GPAT2: variants seen among roughly 807,000 people sequenced by gnomAD.
GPAT2 encodes 1-acylglycerol-3-phosphate O-acyltransferase GPAT2.
GPAT2 carries 51 observed loss-of-function variants against 71.0 expected under a neutral mutation model. That is an observed-to-expected ratio of 0.72 (90% CI 0.57 to 0.91). The LOEUF is 0.91. Among genes scored for constraint, GPAT2 ranks in the 40% least tolerant of loss-of-function variants. GPAT2 has a pLI of 0.00. For missense variants in GPAT2, 511 were observed against 666.0 expected, an observed-to-expected ratio of 0.77 and a Z score of 2.56; for synonymous variants, 222 against 290.3, an observed-to-expected ratio of 0.76 and a Z score of 2.39.
At chr2:96,034,013 T>TAC (rs1239593853) in intron 1 of GPAT2, among the ~76,000 whole-genome samples, 3 of 151,748 alleles carry the variant, frequency 2.0e-5, no homozygotes, top group Non-Finnish European at 4.4e-5. Context: ...TACATATATA[T>TAC]ACACACACAT....
chr2:96,024,353 C>G lies in GPAT2; in HGVS notation c.1688-16G>C. The G allele has an allele frequency of 1.6e-5, 25 of 1,599,848 alleles. No homozygotes were observed. The highest frequency in any genetic ancestry group is 2.1e-5 in the Non-Finnish European group (25 of 1,170,282). On this transcript the variant is annotated splice_polypyrimidine_tract_variant and intron_variant, in intron 15 of 21. Coordinates refer to ENST00000434632, the MANE Select transcript of GPAT2 (RefSeq NM_001321527.2). Reference sequence around the variant, plus strand: ...ACTGCACAGGCTGGGGGCGGAGGGTCCATTATGAAGAAGGAGCCGTTCCCT... The same window carrying G: ...ACTGCACAGGCTGGGGGCGGAGGGTGCATTATGAAGAAGGAGCCGTTCCCT...
Position 96,023,198 on chromosome 2 carries a change from A to C in GPAT2, c.2075T>G (p.Phe692Cys), listed in dbSNP as rs1480448446. ...GAGCAGGCGGCAGAGGAAAAGAAAG[A>C]AATCTGGGCAGTGTGACTGCTGGCT... Reference protein sequence around the residue: ...RLSQQSHCPDFFLFLCRLLSP... With the variant: ...RLSQQSHCPDCFLFLCRLLSP... The change falls in exon 19 of 22, where the codon TTC (phenylalanine) becomes TGC (cysteine). Residue 692 changes from phenylalanine (F) to cysteine (C), a missense_variant. Coordinates refer to ENST00000434632, the MANE Select transcript of GPAT2 (RefSeq NM_001321527.2). 1.3e-5 allele frequency: 21 copies of C among 1,603,320 alleles called. No individual in the cohort carries two copies. The highest frequency in any genetic ancestry group is 1.8e-5 in the Non-Finnish European group (21 of 1,175,002).
rs1320037199 is a variant in GPAT2 at position 96,032,202 on chromosome 2, G to A, written c.64-56C>T. 13 of 1,518,120 alleles carry A rather than the reference G, an allele frequency of 8.6e-6. 1 individual carries two copies. In the African/African-American group the frequency reaches 1.8e-4, roughly 21 times the overall value. 94.0% of individuals were successfully genotyped at this position (1,518,120 alleles called of 1,614,324 possible). A position where few individuals can be genotyped will look rare whatever the true frequency, so the allele number is the denominator to read the frequency against. ...ACTCAAAGTCCTTGGCAGGAGAGAG[G>A]GAAAGATGGAGCAATGGAGGCTCTA... On this transcript the variant is annotated intron_variant, in intron 2 of 21. Transcript: ENST00000434632.
At position 96,024,685 on chromosome 2, in the gene GPAT2, C is replaced by G. The variant is rs1266938573; in HGVS notation, c.1429G>C (p.Gly477Arg). Residue 477 changes from glycine to arginine, a missense_variant and splice_region_variant, in exon 15 of 22, where the codon GGT (glycine) becomes CGT (arginine). By Grantham distance (125) the Gly-to-Arg change is moderately radical. This residue lies in a region of GPAT2 where 295 missense variants were observed against 305.5 expected (regional missense o/e 0.97). Coordinates refer to ENST00000434632, the MANE Select transcript of GPAT2 (RefSeq NM_001321527.2). ...ATLLLFKHQK[G>R]VFLSQLLGEF... ...CCCAGGAGCTGCGACAGGAACACACCCTGGGTGGGCAGAGCAGGGCTAGGC... is the reference window on the plus strand; with the variant it reads ...CCCAGGAGCTGCGACAGGAACACACGCTGGGTGGGCAGAGCAGGGCTAGGC... 1 of 1,613,888 alleles carries G rather than the reference C, an allele frequency of 6.2e-7. No individual in the cohort carries two copies. The highest frequency in any genetic ancestry group is 1.1e-5 in the South Asian group (1 of 91,074).
chr2:96,023,357 A>G lies in GPAT2; in HGVS notation c.1998T>C (p.Thr666=). The change falls in exon 18 of 22, where the codon ACT becomes ACC. Residue 666 remains threonine, a synonymous_variant. Transcript: ENST00000434632. ...CTCCGAAGTCATCACTGTCACTATC[A>G]GTAAAGTCCCCACTCGGTTTCCACA... The part of the protein sequence containing the change: ...KLLWKPSGDF[T]DSDSDDFGEA... 2 of 1,614,200 alleles carry G rather than the reference A, an allele frequency of 1.2e-6. No homozygotes were observed. The highest frequency in any genetic ancestry group is 1.7e-6 in the Non-Finnish European group (2 of 1,180,018).
chr2:96,028,522 TC>T (rs1362795795), intron 6 of GPAT2, among the ~76,000 whole-genome samples: 10 of 151,562 alleles, frequency 6.6e-5, no homozygotes, highest in African/African-American at 2.4e-4. Context: ...AGGGGCAAAA[TC>T]CCTGGTGGGC....
rs764909743 is a variant in GPAT2 at position 96,022,160 on chromosome 2, T to C, written c.2405A>G (p.Ter802TrpextTer35). The part of the protein sequence containing the change: ...EQFIRQFICS[*>W] ...CAGCACAGGCTCCTCCTCACAGTTC[T>C]AGCTACAAATGAACTGCCGGATGAA... Residue 802 changes from the stop codon to tryptophan (W), a stop_lost, in exon 22 of 22, where the codon TAG (stop) becomes TGG (tryptophan). Transcript: ENST00000434632. 1.2e-6 allele frequency: 2 copies of C among 1,610,334 alleles called. No individual in the cohort carries two copies. The highest frequency in any genetic ancestry group is 2.7e-5 in the African/African-American group (2 of 74,820).
At chr2:96,024,729 C>T in intron 14 of GPAT2, 44 bp from the exon 15 acceptor site, 1 of 1,611,986 alleles carries the variant, frequency 6.2e-7, no homozygotes. Flanking sequence ...CACACATCGC[C>T]ACCCCCCCCA....
In GPAT2 at chr2:96,022,145, T is replaced by C. The variant is rs1299374876; in HGVS notation, c.*14A>G. 1 of 1,609,154 alleles carries C rather than the reference T, an allele frequency of 6.2e-7. No homozygotes were observed. The highest frequency in any genetic ancestry group is 8.5e-7 in the Non-Finnish European group (1 of 1,178,630). The stretch of plus-strand genomic sequence containing the variant: ...GGGGCTGAGAAGTCTCAGCACAGGC[T>C]CCTCCTCACAGTTCTAGCTACAAAT... On this transcript the variant is annotated 3_prime_UTR_variant, in exon 22 of 22. Coordinates refer to ENST00000434632, the MANE Select transcript of GPAT2 (RefSeq NM_001321527.2).
chr2:96,024,895 T>A, intron 13 of GPAT2, 52 bp from the exon 14 acceptor site: 2 of 1,596,576 alleles, frequency 1.3e-6, no homozygotes, highest in Admixed American at 3.3e-5. Context: ...CCCAGCAGCC[T>A]GGTCCCTCCA....
Position 96,022,170 on chromosome 2 carries a change from T to G in GPAT2, c.2395A>C (p.Ile799Leu), listed in dbSNP as rs1317828868. Reference protein sequence around the residue: ...EKLEQFIRQFICS With the variant: ...EKLEQFIRQFLCS ...TCCTCCTCACAGTTCTAGCTACAAA[T>G]GAACTGCCGGATGAACTGTTCTAGT... Residue 799 changes from isoleucine to leucine, a missense_variant, in exon 22 of 22, where the codon ATT becomes CTT. Physicochemically the swap from Ile to Leu is conservative, Grantham distance 5. This residue lies in a region of GPAT2 where 108 missense variants were observed against 117.6 expected (regional missense o/e 0.92). Transcript: ENST00000434632. The G allele has an allele frequency of 1.2e-6, 2 of 1,610,838 alleles. No homozygotes were observed. Among genetic ancestry groups the G allele is most frequent in the Non-Finnish European group, 1.7e-6 (2 of 1,179,340 alleles).
chr2:96,022,303 G>A, intron 21 of GPAT2, 28 bp from the exon 22 acceptor site: 1 of 1,564,012 alleles, frequency 6.4e-7, no homozygotes, highest in African/African-American at 1.4e-5. Context: ...AGCCGTGAGT[G>A]CGCTCACCAC....
In GPAT2 at chr2:96,023,433, C is replaced by T. The variant is rs1373849839; in HGVS notation, c.1922G>A (p.Gly641Asp). ...CCCTGTGTCACAGGCTGGCCGGGAG[C>T]CTGGGGTCTAGGGGCCGTGGAGCCA... is the stretch of plus-strand genomic sequence containing the variant. The part of the protein sequence containing the change: ...CGLLVAEETP[G>D]SRPACDTGRQ... The change falls in exon 18 of 22, where the codon GGC (glycine) becomes GAC (aspartate). Residue 641 changes from glycine to aspartate, a missense_variant. Gly to Asp is a moderately conservative substitution (Grantham distance 94, BLOSUM62 -1). Around this residue, in one of 7 missense-constraint regions of GPAT2, gnomAD observed 295 missense variants for 305.5 expected, o/e 0.97. Transcript: ENST00000434632. 42 of 1,613,848 alleles carry T rather than the reference C, an allele frequency of 2.6e-5. 1 individual carries two copies. In the Admixed American group the frequency reaches 6.8e-4, roughly 26 times the overall value.
rs1386347506 is a variant in GPAT2, at chr2:96,022,294, G to C, written c.2290-19C>G. The C allele has an allele frequency of 3.2e-6, 5 of 1,572,058 alleles. No individual in the cohort carries two copies. Among genetic ancestry groups the C allele is most frequent in the Non-Finnish European group, 4.3e-6 (5 of 1,157,798 alleles). On this transcript the variant is annotated intron_variant, in intron 21 of 21. Transcript: ENST00000434632. ...GCAGAACCTGGGCCATGGAAGATAA[G>C]CCGTGAGTGCGCTCACCACAGGGAC...
chr2:96,025,486 A>T lies in GPAT2; in HGVS notation c.1356T>A (p.Ser452Arg). 1 of 1,573,244 alleles carries T rather than the reference A, an allele frequency of 6.4e-7. No homozygotes were observed. Among genetic ancestry groups the T allele is most frequent in the South Asian group, 1.2e-5 (1 of 86,180 alleles). Reference protein sequence around the residue: ...LVRRLSCHVLSASVGSSAVMS... With the variant: ...LVRRLSCHVLRASVGSSAVMS... ...GGCCCAGATCTGGTTCACCCTCACC[A>T]CTCAGGACATGACAGCTCAGTCTCC... Residue 452 changes from serine to arginine, a missense_variant and splice_region_variant, in exon 13 of 22, where the codon AGT becomes AGA. Ser to Arg is a moderately radical substitution (Grantham distance 110). Transcript: ENST00000434632.
rs1341147210 is a variant in GPAT2, at chr2:96,022,945, G to A, written c.2233+13C>T. ...CTGCCTGCAGGAGCCTGGGCTGACT[G>A]GTTGGGACTCACCGAAGATCCCTTC... On this transcript the variant is annotated intron_variant, in intron 20 of 21. Transcript: ENST00000434632. 2.5e-6 allele frequency: 4 copies of A among 1,613,732 alleles called. No individual in the cohort carries two copies. Among genetic ancestry groups the A allele is most frequent in the Non-Finnish European group, 3.4e-6 (4 of 1,179,828 alleles).
At chr2:96,022,612 T>C (rs138388788) in intron 21 of GPAT2, 56 bp downstream of exon 21, 2 of 1,579,936 alleles carry the variant, frequency 1.3e-6, no homozygotes, top group Non-Finnish European at 1.7e-6. Context: ...TTCCCTGAGC[T>C]ACTCTATTGG....
rs1680299752 is a variant in GPAT2, at chr2:96,025,482, C to T, written c.1357+3G>A. Reference sequence around the variant, plus strand: ...CAAAGGCCCAGATCTGGTTCACCCTCACCACTCAGGACATGACAGCTCAGT... The same window carrying T: ...CAAAGGCCCAGATCTGGTTCACCCTTACCACTCAGGACATGACAGCTCAGT... On this transcript the variant is annotated splice_donor_region_variant and intron_variant, in intron 13 of 21. Coordinates refer to ENST00000434632, the MANE Select transcript of GPAT2 (RefSeq NM_001321527.2). 12 of 1,572,892 alleles carry T rather than the reference C, an allele frequency of 7.6e-6. No homozygotes were observed. The Middle Eastern group carries it at 7.1e-4, about 93-fold the overall frequency.
intron 1 of GPAT2, among the ~76,000 whole-genome samples, chr2:96,033,710 C>T (rs1680821247): frequency 1.2e-5 from 1 of 85,042 alleles, no homozygotes; most frequent in East Asian, 3.0e-4. Flanking sequence ...TGTTGCATAG[C>T]CCTGTTCACA....
Sources: allele counts gnomAD v4.1 joint callset (sites outside exome capture counted in the v4.1 genomes callset), GRCh38; gene constraint gnomAD v4.1.1; regional missense constraint gnomAD v4.1.1; transcripts MANE v1.5; gene names NCBI Gene and HGNC (gene_info 2026-07-23, HGNC 2026-07-21).